Variants in LAMC2 observed in about 807,000 individuals in gnomAD.
LAMC2 encodes the protein laminin subunit gamma-2.
A neutral mutation model predicts 140.2 loss-of-function variants in LAMC2; 97 were observed. The ratio of observed to expected loss-of-function variants is 0.69; its 90% confidence interval spans 0.59 to 0.82. LAMC2 has a LOEUF of 0.82. Among genes scored for constraint, LAMC2 ranks in the 40% least tolerant of loss-of-function variants. The probability of loss-of-function intolerance (pLI) is 0.00; values close to 1 mark genes in which losing one functional copy is unlikely to be tolerated. For synonymous variants in LAMC2, 513 were observed against 540.2 expected (o/e 0.95, Z 0.70); for missense variants, 1,402 against 1,476.1 (o/e 0.95, Z 0.82).
intron 8 of LAMC2, among the ~76,000 whole-genome samples, chr1:183,225,922 C>T (rs971669898): frequency 3.3e-5 from 5 of 152,162 alleles, no homozygotes; most frequent in Admixed American, 6.5e-5. Context: ...CAGCACCCAG[C>T]ACCAATGAAG....
intron 10 of LAMC2, 23 bp downstream of exon 10, chr1:183,227,720 C>T: frequency 6.2e-7 from 1 of 1,608,144 alleles, no homozygotes; most frequent in Non-Finnish European, 8.5e-7. Flanking sequence ...GTCTGCTCTG[C>T]CACCTGCCTC....
At chr1:183,210,224 G>A (rs1659029914) in intron 2 of LAMC2, among the ~76,000 whole-genome samples, 1 of 152,152 alleles carries the variant, frequency 6.6e-6, no homozygotes. Flanking sequence ...TAATAATGTA[G>A]AGTACAGTGG....
At chr1:183,209,494 T>C (rs3768605) in intron 2 of LAMC2, among the ~76,000 whole-genome samples, 35,532 of 152,146 alleles carry the variant, frequency 0.23, 4,541 homozygotes, top group East Asian at 0.38. Context: ...TGACTCAGAT[T>C]AGTTTAGCTT....
intron 1 of LAMC2, among the ~76,000 whole-genome samples, chr1:183,191,408 GTCAGGGCATAAAGT>G (rs1658326407): frequency 6.6e-6 from 1 of 151,946 alleles, no homozygotes; most frequent in Admixed American, 6.6e-5. Context: ...TTATGGGAAA[GTCAGGGCATAAAGT>G]TAAGGTGTTG....
intron 15 of LAMC2, 44 bp from the exon 16 acceptor site, chr1:183,235,531 C>T: frequency 6.2e-7 from 1 of 1,611,364 alleles, no homozygotes; most frequent in Non-Finnish European, 8.5e-7. Flanking sequence ...TAAAGGAAGC[C>T]CTTTGCGTGA....
At chr1:183,243,045 A>G in intron 22 of LAMC2, 102 bp from the exon 23 acceptor site, 1 of 1,282,054 alleles carries the variant, frequency 7.8e-7, no homozygotes, top group Non-Finnish European at 1.1e-6. Context: ...GCTCTAGGCA[A>G]GTGGAAATGG....
At chr1:183,220,150 T>G (rs1391845874) in intron 4 of LAMC2, among the ~76,000 whole-genome samples, 1 of 152,262 alleles carries the variant, frequency 6.6e-6, no homozygotes, top group Non-Finnish European at 1.5e-5. Flanking sequence ...CCTTCTTCTC[T>G]GTGACTCCAG....
chr1:183,186,527 C>T, intron 1 of LAMC2, 96 bp downstream of exon 1: 5 of 1,385,800 alleles, frequency 3.6e-6, no homozygotes, highest in South Asian at 1.2e-5. Context: ...CGAGGATTCC[C>T]ACTTTGTCCA....
chr1:183,247,516 C>A (rs1354688919), downstream of LAMC2, among the ~76,000 whole-genome samples: 13 of 144,886 alleles, frequency 9.0e-5, no homozygotes, highest in Non-Finnish European at 3.0e-5. Context: ...GCTGCCACAT[C>A]TCAATTTTAA....
intron 17 of LAMC2, 22 bp from the exon 18 acceptor site, chr1:183,237,330 C>T (rs763167201): frequency 6.2e-7 from 1 of 1,613,762 alleles, no homozygotes; most frequent in Non-Finnish European, 8.5e-7. Context: ...AGTCAGACTC[C>T]CTGGTTTCTT....
chr1:183,231,507 T>C (rs949892698), intron 12 of LAMC2, among the ~76,000 whole-genome samples: 8 of 152,224 alleles, frequency 5.3e-5, no homozygotes, highest in African/African-American at 1.7e-4. Context: ...CTTCCCACTA[T>C]AATATTTCAC....
At chr1:183,206,709 A>T (rs1658896944) in intron 1 of LAMC2, among the ~76,000 whole-genome samples, 1 of 151,960 alleles carries the variant, frequency 6.6e-6, no homozygotes, top group Non-Finnish European at 1.5e-5. Context: ...CCTGACACAG[A>T]GCCTGCACAG....
At chr1:183,242,210 TC>T (rs969117615) in intron 22 of LAMC2, among the ~76,000 whole-genome samples, 2 of 152,190 alleles carry the variant, frequency 1.3e-5, no homozygotes, top group African/African-American at 2.4e-5. Context: ...TTACTTAACT[TC>T]CTCTGCATGT....
chr1:183,245,824 A>T (rs1660229447), downstream of LAMC2, among the ~76,000 whole-genome samples: 1 of 152,228 alleles, frequency 6.6e-6, no homozygotes, highest in South Asian at 2.1e-4. Flanking sequence ...TTAGTTAATA[A>T]CCACGGTATG....
intron 8 of LAMC2, among the ~76,000 whole-genome samples, chr1:183,226,482 G>A (rs1026261517): frequency 2.6e-5 from 4 of 152,196 alleles, no homozygotes; most frequent in African/African-American, 9.7e-5. Context: ...CACAGCTAGT[G>A]AGGGTGGATT....
intron 16 of LAMC2, 82 bp downstream of exon 16, chr1:183,235,812 C>A: frequency 1.4e-6 from 2 of 1,414,066 alleles, no homozygotes; most frequent in Non-Finnish European, 2.0e-6. Flanking sequence ...TGAGGGGCAC[C>A]ATGCTAGTTG....
intron 15 of LAMC2, among the ~76,000 whole-genome samples, chr1:183,234,688 A>G (rs115291035): frequency 0.04 from 6,147 of 152,114 alleles, 396 homozygotes; most frequent in African/African-American, 0.14. Context: ...TTTCCCTATG[A>G]CTCACAGTAT....
At chr1:183,258,579 T>C in the LAMC2 span, among the ~76,000 whole-genome samples, 1 of 152,186 alleles carries the variant, frequency 6.6e-6, no homozygotes, top group African/African-American at 2.4e-5. Flanking sequence ...GACCTCCTTC[T>C]TGCCTAGGGA....
rs531790689 is a variant in LAMC2, at chr1:183,198,375, C to G, written c.80-9506C>G. Among the ~76,000 whole-genome samples the G allele has an allele frequency of 2.8e-4, 43 of 152,186 alleles. 1 individual carries two copies. Among genetic ancestry groups the G allele is most frequent in the Admixed American group, 2.0e-3 (31 of 15,288 alleles). On this transcript the variant is annotated intron_variant, in intron 1 of 22. Coordinates refer to ENST00000264144, the MANE Select transcript of LAMC2 (RefSeq NM_005562.3). The stretch of plus-strand genomic sequence containing the variant: ...GGCCATGATGGTCTTGACCTCCTGA[C>G]CTCATGATCTGCCCGCCTTGGCCTC...
Sources: gnomAD v4.1 joint callset for allele counts (sites outside exome capture counted in the v4.1 genomes callset) on GRCh38, gnomAD v4.1.1 for gene constraint, MANE v1.5 for transcripts, NCBI Gene and HGNC (gene_info 2026-07-23, HGNC 2026-07-21) for gene names.